The following TMPRSS2 variants were observed in gnomAD, a reference collection of about 807,000 sequenced individuals.
TMPRSS2 encodes transmembrane protease serine 2.
In TMPRSS2, 59 loss-of-function variants were observed where a neutral mutation model predicts 67.4. The observed-to-expected ratio is 0.88, with a 90% CI of 0.71 to 1.09. TMPRSS2 has a LOEUF of 1.09. Ranked by LOEUF, TMPRSS2 falls within the 50% of genes least tolerant of loss-of-function variation. The pLI is 0.00. For missense variants in TMPRSS2, 668 were observed against 642.7 expected (o/e 1.04, Z -0.43); for synonymous variants, 257 against 257.0 (o/e 1.00, Z 0.00).
intron 11 of TMPRSS2, 68 bp downstream of exon 11, chr21:41,470,580 C>G: frequency 2.8e-6 from 4 of 1,453,260 alleles, no homozygotes; most frequent in Non-Finnish European, 3.8e-6. Context: ...AAACCTGGAC[C>G]TCCCACTTCC....
chr21:41,505,663 G>T (rs1193378214), intron 1 of TMPRSS2, among the ~76,000 whole-genome samples: 1 of 152,178 alleles, frequency 6.6e-6, no homozygotes, highest in Non-Finnish European at 1.5e-5. Context: ...TTCAGGTCGG[G>T]GAGAACCAGA....
At chr21:41,498,597 T>G (rs2091402661) in intron 1 of TMPRSS2, among the ~76,000 whole-genome samples, 1 of 152,220 alleles carries the variant, frequency 6.6e-6, no homozygotes, top group Admixed American at 6.5e-5. Context: ...CCAGGCATCC[T>G]GCTGGACTTA....
Position 41,464,917 on chromosome 21 carries a change from G to C in TMPRSS2, c.*1225C>G, listed in dbSNP as rs1217043596. On this transcript the variant is annotated 3_prime_UTR_variant, in exon 14 of 14. Coordinates refer to ENST00000332149, the MANE Select transcript of TMPRSS2 (RefSeq NM_005656.4). The stretch of plus-strand genomic sequence containing the variant: ...TTGGCCAGGAGGCAGAACCATGGTA[G>C]AGTAGTGCTCATGGTTATGGCACTT... 1 of 233,314 alleles carries C rather than the reference G, an allele frequency of 4.3e-6. No individual in the cohort carries two copies. 14.5% of individuals were successfully genotyped at this position (233,314 alleles called of 1,614,324 possible).
intron 11 of TMPRSS2, among the ~76,000 whole-genome samples, chr21:41,469,080 G>A (rs980460231): frequency 2.0e-5 from 3 of 152,056 alleles, no homozygotes; most frequent in Admixed American, 2.0e-4. Flanking sequence ...GGCACCGTGG[G>A]CTTAGTGTGC....
intron 1 of TMPRSS2, among the ~76,000 whole-genome samples, chr21:41,507,658 C>G (rs1298596736): frequency 6.6e-6 from 1 of 152,238 alleles, no homozygotes; most frequent in East Asian, 1.9e-4. Context: ...AGCCAACCGA[C>G]AGCACTCCCA....
rs775106038 is a variant in TMPRSS2, at chr21:41,471,963, C to T, written c.918G>A (p.Trp306Ter). The change falls in exon 10 of 14, where the codon TGG becomes TGA. Residue 306 changes from tryptophan (W) to a stop codon, truncating the protein, a stop_gained. Transcript: ENST00000332149. LOFTEE classifies it high-confidence loss of function. ...HCVEKPLNNP[W>*]HWTAFAGILR... is the part of the protein sequence containing the mutation. The stretch of plus-strand genomic sequence containing the variant: ...AAATCCCCGCAAATGCCGTCCAATG[C>T]CATGGATTGTTAAGAGGTCTGGGAG... The T allele has an allele frequency of 1.2e-6, 2 of 1,609,800 alleles. No homozygotes were observed. The highest frequency in any genetic ancestry group is 1.7e-6 in the Non-Finnish European group (2 of 1,177,250).
At chr21:41,493,679 T>C (rs1292844237) in intron 3 of TMPRSS2, among the ~76,000 whole-genome samples, 1 of 152,186 alleles carries the variant, frequency 6.6e-6, no homozygotes, top group African/African-American at 2.4e-5. Flanking sequence ...AATTAACAGC[T>C]GGGAGGCAGT....
chr21:41,480,027 T>C (rs890336549), intron 6 of TMPRSS2, among the ~76,000 whole-genome samples: 1 of 152,138 alleles, frequency 6.6e-6, no homozygotes, highest in Non-Finnish European at 1.5e-5. Flanking sequence ...TCAAAAGGCT[T>C]CCATGGCTCC....
chr21:41,469,431 C>T (rs2091112078), intron 11 of TMPRSS2, among the ~76,000 whole-genome samples: 1 of 152,068 alleles, frequency 6.6e-6, no homozygotes, highest in Non-Finnish European at 1.5e-5. Flanking sequence ...ATGGCACTCC[C>T]CGGCTCACGA....
chr21:41,468,577 T>A lies in TMPRSS2; in HGVS notation c.1172-39A>T, dbSNP rs375874663. ...GACTTGTTGAGCTCCCAGTGTTGCCTGCAGCTCTCGCAGGGAGAGCACACT... is the reference window on the plus strand; with the variant it reads ...GACTTGTTGAGCTCCCAGTGTTGCCAGCAGCTCTCGCAGGGAGAGCACACT... On this transcript the variant is annotated intron_variant, in intron 11 of 13. Transcript: ENST00000332149. The A allele has an allele frequency of 5.6e-6, 9 of 1,610,056 alleles. No individual in the cohort carries two copies. In the African/African-American group the frequency reaches 1.2e-4, roughly 22 times the overall value.
intron 6 of TMPRSS2, among the ~76,000 whole-genome samples, chr21:41,480,230 G>A (rs943261513): frequency 3.9e-5 from 6 of 152,184 alleles, no homozygotes; most frequent in African/African-American, 9.7e-5. Context: ...GGGCACTCCC[G>A]AGCAACCAGG....
intron 8 of TMPRSS2, among the ~76,000 whole-genome samples, chr21:41,473,828 C>T (rs549038772): frequency 1.3e-5 from 2 of 148,674 alleles, no homozygotes; most frequent in South Asian, 4.4e-4. Context: ...CCCAGATTCT[C>T]ACACAAAGAA....
At chr21:41,483,983 ATGG>A (rs2091277689) in intron 5 of TMPRSS2, among the ~76,000 whole-genome samples, 1 of 152,052 alleles carries the variant, frequency 6.6e-6, no homozygotes, top group African/African-American at 2.4e-5. Context: ...GCCTGGCATG[ATGG>A]TACATGCCTG....
At chr21:41,475,541 G>A in intron 8 of TMPRSS2, among the ~76,000 whole-genome samples, 1 of 34,690 alleles carries the variant, frequency 2.9e-5, no homozygotes, top group Non-Finnish European at 6.0e-5. Flanking sequence ...TGAAGGGTGA[G>A]TGAGGGGGTG....
chr21:41,474,712 G>T (rs191449807), intron 8 of TMPRSS2, among the ~76,000 whole-genome samples: 1 of 3,022 alleles, frequency 3.3e-4, no homozygotes. Flanking sequence ...AGGTGAGGGG[G>T]TGAGTGAGGA....
At chr21:41,502,419 C>T (rs1290389164) in intron 1 of TMPRSS2, 1 of 985,432 alleles carries the variant, frequency 1.0e-6, no homozygotes, top group Non-Finnish European at 1.2e-6. Context: ...TCGAAGCCCC[C>T]ACCTGTGACT....
intron 6 of TMPRSS2, among the ~76,000 whole-genome samples, chr21:41,479,976 T>A (rs1292009631): frequency 6.6e-6 from 1 of 152,176 alleles, no homozygotes; most frequent in Non-Finnish European, 1.5e-5. Flanking sequence ...AGGAATGACA[T>A]TTTTTAAGTA....
At chr21:41,486,311 GT>G (rs1270180235) in intron 5 of TMPRSS2, among the ~76,000 whole-genome samples, 1 of 151,768 alleles carries the variant, frequency 6.6e-6, no homozygotes, top group Non-Finnish European at 1.5e-5. Flanking sequence ...ACTTTTTTTT[GT>G]TTTTTGAGAT....
At chr21:41,486,202 C>T (rs2091296721) in intron 5 of TMPRSS2, among the ~76,000 whole-genome samples, 1 of 152,186 alleles carries the variant, frequency 6.6e-6, no homozygotes, top group Non-Finnish European at 1.5e-5. Flanking sequence ...CTAGTGTAAA[C>T]ATGTCAGAGT....
Sources: allele counts gnomAD v4.1 joint callset (sites outside exome capture counted in the v4.1 genomes callset), GRCh38; gene constraint gnomAD v4.1.1; transcripts MANE v1.5; gene names NCBI Gene and HGNC (gene_info 2026-07-23, HGNC 2026-07-21).